AGAP1: variants seen among roughly 807,000 people sequenced by gnomAD.
The protein encoded by AGAP1 is ArfGAP with GTPase domain, ankyrin repeat and PH domain 1.
Under a neutral mutation model 105.3 loss-of-function variants are expected in AGAP1, and 29 were observed. The observed-to-expected ratio is 0.28, with a 90% CI of 0.21 to 0.38. The LOEUF (loss-of-function observed/expected upper bound fraction) is 0.38, where lower values mean the gene tolerates loss of function less well. Ranked by LOEUF, AGAP1 falls within the 10% of genes least tolerant of loss-of-function variation. The probability of loss-of-function intolerance (pLI) is 1.00; values close to 1 mark genes in which losing one functional copy is unlikely to be tolerated. For missense variants in AGAP1, 998 were observed against 1,165.1 expected, an observed-to-expected ratio of 0.86 and a Z score of 2.09; for synonymous variants, 509 against 485.9, an observed-to-expected ratio of 1.05 and a Z score of -0.63.
intron 16 of AGAP1, among the ~76,000 whole-genome samples, chr2:236,059,782 A>T (rs1226998636): frequency 6.6e-6 from 1 of 152,234 alleles, no homozygotes; most frequent in Non-Finnish European, 1.5e-5. Flanking sequence ...TTGTGAAAGA[A>T]TGAAGTTAGA....
rs1443169931 is a variant in AGAP1 at position 236,061,128 on chromosome 2, T to C, written c.2114+11847T>C. ...TAAATAGACATTTCTCCAGAAAATA[T>C]AAAAATGGCCAGTAAATACATGAAA... On this transcript the variant is annotated intron_variant, in intron 16 of 17. Coordinates refer to ENST00000304032, the MANE Select transcript of AGAP1 (RefSeq NM_001037131.3). The surrounding 1 kb of genome is among the most constrained non-coding windows in gnomAD (Gnocchi z 4.1). 6.6e-6 allele frequency among the ~76,000 whole-genome samples: 1 copy of C among 152,086 alleles called. No individual in the cohort carries two copies. The highest frequency in any genetic ancestry group is 6.5e-5 in the Admixed American group (1 of 15,274).
intron 1 of AGAP1, among the ~76,000 whole-genome samples, chr2:235,532,163 A>G (rs150436327): frequency 2.0e-5 from 3 of 152,340 alleles, no homozygotes; most frequent in Non-Finnish European, 4.4e-5. Context: ...TAATTCTTCT[A>G]GCTGGAGGTA....
rs1289445673 is a variant in AGAP1, at chr2:236,126,142, T to A, written c.*2020T>A. On this transcript the variant is annotated 3_prime_UTR_variant, in exon 18 of 18. Transcript: ENST00000304032. ...TAATCTTAACGAAGCTAAGTGGAGC[T>A]CACTCGTATCCAAAAGTATAACAGG... 5 of 152,184 alleles carry A rather than the reference T, an allele frequency of 3.3e-5. No homozygotes were observed. The highest frequency in any genetic ancestry group is 7.4e-5 in the Non-Finnish European group (5 of 68,024). 9.4% of individuals were successfully genotyped at this position (152,184 alleles called of 1,614,324 possible).
chr2:236,108,410 G>C (rs2125927776), intron 16 of AGAP1, among the ~76,000 whole-genome samples: 1 of 152,188 alleles, frequency 6.6e-6, no homozygotes, highest in Middle Eastern at 3.4e-3. Context: ...TCAACACCAG[G>C]CGGGCGGGTC....
intron 1 of AGAP1, among the ~76,000 whole-genome samples, chr2:235,704,648 AAAG>A (rs2149490850): frequency 6.6e-6 from 1 of 152,316 alleles, no homozygotes; most frequent in African/African-American, 2.4e-5. Context: ...CCGTCTCAAA[AAAG>A]AAATGCCGAT....
In AGAP1 at chr2:235,877,806, C is replaced by T. The variant is rs1285117670; in HGVS notation, c.1051-5539C>T. On this transcript the variant is annotated intron_variant, in intron 9 of 17. Transcript: ENST00000304032. The surrounding 1 kb of genome is among the most constrained non-coding windows in gnomAD (Gnocchi z 4.3). ...TCTTGTTACATTTGGATTGATCCCT[C>T]CCCCTCTTGGGTACACCCAACCACT... is the stretch of plus-strand genomic sequence containing the variant. 6.6e-6 allele frequency among the ~76,000 whole-genome samples: 1 copy of T among 152,250 alleles called. No homozygotes were observed. Among genetic ancestry groups the T allele is most frequent in the Non-Finnish European group, 1.5e-5 (1 of 68,038 alleles).
In AGAP1 at chr2:235,686,648, TATATATATATATATA is replaced by T. The variant is rs1217807470; in HGVS notation, c.164-22530_164-22516del. Among the ~76,000 whole-genome samples, 42 of 47,616 alleles carry T rather than the reference TATATATATATATATA, an allele frequency of 8.8e-4. 1 individual carries two copies. Among genetic ancestry groups the T allele is most frequent in the African/African-American group, 4.5e-3 (39 of 8,748 alleles). The allele number at this position is 47,616 out of a possible 152,430, so 31.2% of individuals were successfully genotyped here. ...ATATATATATATATATATATATAGA[TATATATATATATATA>T]TATTTTTTTTTTTTTTTAGACAGAG... On this transcript the variant is annotated intron_variant, in intron 1 of 17. Transcript: ENST00000304032.
At chr2:235,935,866 C>T (rs910609829) in intron 12 of AGAP1, among the ~76,000 whole-genome samples, 83 of 152,248 alleles carry the variant, frequency 5.5e-4, no homozygotes, top group Middle Eastern at 3.4e-3. Flanking sequence ...CATACTTGGC[C>T]GTCCTGTCTT....
rs1168760539 is a variant in AGAP1, at chr2:235,574,206, G to T, written c.163+79357G>T. Among the ~76,000 whole-genome samples the T allele has an allele frequency of 2.0e-5, 3 of 152,214 alleles. No homozygotes were observed. Among genetic ancestry groups the T allele is most frequent in the Non-Finnish European group, 4.4e-5 (3 of 68,046 alleles). ...CTGGCACCTGAAGCATCTGGGCCTG[G>T]ACGGACTCTTTCAGGTTGTTTGGAT... is the stretch of plus-strand genomic sequence containing the variant. On this transcript the variant is annotated intron_variant, in intron 1 of 17. Coordinates refer to ENST00000304032, the MANE Select transcript of AGAP1 (RefSeq NM_001037131.3). The surrounding 1 kb of genome is among the most constrained non-coding windows in gnomAD (Gnocchi z 5.0).
intron 13 of AGAP1, among the ~76,000 whole-genome samples, chr2:235,978,646 T>C (rs570070621): frequency 1.3e-5 from 2 of 152,344 alleles, no homozygotes; most frequent in Non-Finnish European, 2.9e-5. Flanking sequence ...GCATTTCATC[T>C]GTTAACCTGG....
intron 16 of AGAP1, among the ~76,000 whole-genome samples, chr2:236,077,324 T>TC (rs200822769): frequency 1.2e-5 from 1 of 83,156 alleles, no homozygotes; most frequent in South Asian, 5.1e-4. Flanking sequence ...TGTATGTCTC[T>TC]TTTTTTTTTT....
At chr2:235,695,752 A>T (rs1272715305) in intron 1 of AGAP1, among the ~76,000 whole-genome samples, 1 of 152,208 alleles carries the variant, frequency 6.6e-6, no homozygotes, top group Non-Finnish European at 1.5e-5. Flanking sequence ...CAGCAGGGGC[A>T]CAAAGAAACC....
In AGAP1 at chr2:235,609,621, C is replaced by A. The variant is rs1349540029; in HGVS notation, c.164-99558C>A. On this transcript the variant is annotated intron_variant, in intron 1 of 17. Coordinates refer to ENST00000304032, the MANE Select transcript of AGAP1 (RefSeq NM_001037131.3). The surrounding 1 kb of genome is among the most constrained non-coding windows in gnomAD (Gnocchi z 5.1). ...GCGCGCTGAGGATGGCAGAGGGGCT[C>A]CTGCCTGTCTCAGTGCTCTGGGGTC... is the stretch of plus-strand genomic sequence containing the variant. Among the ~76,000 whole-genome samples, 1 of 152,090 alleles carries A rather than the reference C, an allele frequency of 6.6e-6. No homozygotes were observed. Among genetic ancestry groups the A allele is most frequent in the Non-Finnish European group, 1.5e-5 (1 of 68,024 alleles).
chr2:235,547,126 A>G (rs1559239186), intron 1 of AGAP1, among the ~76,000 whole-genome samples: 3 of 152,260 alleles, frequency 2.0e-5, no homozygotes, highest in South Asian at 4.1e-4. Flanking sequence ...GATGCTTTCT[A>G]TGCTGCAACA....
chr2:235,799,785 T>C lies in AGAP1; in HGVS notation c.957+263T>C, dbSNP rs759756762. ...GGGGTGTGTATAAAGGCACTTGTTATCCTGTGGCTCCAGCTAAAGATGTGT... is the reference window on the plus strand; with the variant it reads ...GGGGTGTGTATAAAGGCACTTGTTACCCTGTGGCTCCAGCTAAAGATGTGT... On this transcript the variant is annotated intron_variant, in intron 8 of 17. Coordinates refer to ENST00000304032, the MANE Select transcript of AGAP1 (RefSeq NM_001037131.3). The surrounding 1 kb of genome is among the most constrained non-coding windows in gnomAD (Gnocchi z 5.0). Among the ~76,000 whole-genome samples, 4 of 152,202 alleles carry C rather than the reference T, an allele frequency of 2.6e-5. No individual in the cohort carries two copies. The highest frequency in any genetic ancestry group is 4.4e-5 in the Non-Finnish European group (3 of 68,038).
In AGAP1 at chr2:235,642,609, G is replaced by T. The variant is rs138998557; in HGVS notation, c.164-66570G>T. Among the ~76,000 whole-genome samples, 152 of 152,194 alleles carry T rather than the reference G, an allele frequency of 1.0e-3. 5 individuals carry two copies. The East Asian group carries it at 0.029, about 29-fold the overall frequency. On this transcript the variant is annotated intron_variant, in intron 1 of 17. Transcript: ENST00000304032. This position sits in a 1 kb window ranked among gnomAD's most constrained non-coding sequence, Gnocchi z 4.1. ...GCTGTCCAGAGGCAGACCCACCCTG[G>T]AAGGCAGGCCAGCCTCCGCTCTCCA...
chr2:235,922,897 G>GGGAT, intron 11 of AGAP1, among the ~76,000 whole-genome samples: 1 of 152,300 alleles, frequency 6.6e-6, no homozygotes, highest in South Asian at 2.1e-4. Context: ...TTCCACTTTA[G>GGGAT]GGATATAAGT....
At chr2:236,118,519 A>G (rs969352649) in intron 16 of AGAP1, among the ~76,000 whole-genome samples, 3 of 150,502 alleles carry the variant, frequency 2.0e-5, no homozygotes, top group Non-Finnish European at 2.9e-5. Flanking sequence ...CTTCCCGAGT[A>G]GCTGGGATTA....
intron 9 of AGAP1, among the ~76,000 whole-genome samples, chr2:235,816,842 G>A (rs575870143): frequency 6.6e-6 from 1 of 151,580 alleles, no homozygotes; most frequent in African/African-American, 2.4e-5. Flanking sequence ...AGTGAGCCGA[G>A]ATCATGCTAC....
Sources: allele counts gnomAD v4.1 joint callset (sites outside exome capture counted in the v4.1 genomes callset), GRCh38; gene constraint gnomAD v4.1.1; non-coding constraint Gnocchi (gnomAD v3.1); transcripts MANE v1.5; gene names NCBI Gene and HGNC (gene_info 2026-07-23, HGNC 2026-07-21).